The following SOX13 variants were observed in gnomAD, a reference collection of about 807,000 sequenced individuals.
SOX13 encodes transcription factor SOX-13.
Under a neutral mutation model 71.8 loss-of-function variants are expected in SOX13, and 28 were observed. The observed-to-expected ratio is 0.39, with a 90% CI of 0.29 to 0.53. The LOEUF is 0.53. SOX13 is among the 20% of genes least tolerant of loss of function. SOX13 has a pLI of 0.70. For synonymous variants in SOX13, 309 were observed against 317.8 expected (o/e 0.97, Z 0.29); for missense variants, 627 against 810.3 (o/e 0.77, Z 2.75).
intron 7 of SOX13, chr1:204,117,947 G>T: frequency 1.9e-6 from 1 of 533,054 alleles, no homozygotes; most frequent in Non-Finnish European, 3.4e-6. Context: ...AGCAATCCAG[G>T]TCTAGTCTCT....
chr1:204,091,101 A>G (rs982708887), intron 1 of SOX13, among the ~76,000 whole-genome samples: 4 of 152,220 alleles, frequency 2.6e-5, no homozygotes, highest in South Asian at 2.1e-4. Context: ...AAAAATTCCA[A>G]CAGAACACTG....
At position 204,114,391 on chromosome 1, in the gene SOX13, G is replaced by A. The variant is rs760349579; in HGVS notation, c.290G>A (p.Gly97Glu). 2.5e-6 allele frequency: 4 copies of A among 1,612,742 alleles called. No homozygotes were observed. The South Asian group carries it at 4.4e-5, about 18-fold the overall frequency. ...CCAGGAGTGTCGGAGGCTGCCTCTG[G>A]AAGCCAGGAGAAGCTGGACTTCAAC... ...KRPGVSEAAS[G>E]SQEKLDFNRN... The change falls in exon 3 of 14, where the codon GGA becomes GAA. Residue 97 changes from glycine (G) to glutamate (E), a missense_variant. Transcript: ENST00000367204.
intron 1 of SOX13, among the ~76,000 whole-genome samples, chr1:204,080,109 C>T (rs1281196112): frequency 6.6e-6 from 1 of 152,182 alleles, no homozygotes; most frequent in Non-Finnish European, 1.5e-5. Context: ...ACAGTATCTC[C>T]AGCTGCCACC....
intron 1 of SOX13, among the ~76,000 whole-genome samples, chr1:204,111,492 C>A (rs369549607): frequency 6.6e-6 from 1 of 152,138 alleles, no homozygotes; most frequent in African/African-American, 2.4e-5. Flanking sequence ...TGAGATGCTG[C>A]GATTGCTCAG....
chr1:204,121,854 G>A (rs774976301), intron 7 of SOX13, 46 bp from the exon 8 acceptor site: 2 of 1,332,670 alleles, frequency 1.5e-6, no homozygotes, highest in African/African-American at 1.4e-5. Context: ...GGTGTCTGCT[G>A]TTCTGTGCTC....
intron 1 of SOX13, among the ~76,000 whole-genome samples, chr1:204,089,106 C>T (rs1026430854): frequency 1.3e-5 from 2 of 149,484 alleles, no homozygotes; most frequent in African/African-American, 2.5e-5. Context: ...CAGATTGAGT[C>T]TCTGTTACTA....
In SOX13 at chr1:204,116,605, CAGA is replaced by C; in HGVS notation, c.522_524del (p.Lys174del). ...CCAGCTCCTGACAGCCCACTCGGAG[CAGA>C]AGAACATGGCTGCCATGCTGTTTGA... On this transcript the variant is annotated inframe_deletion, in exon 5 of 14. Transcript: ENST00000367204. 6.2e-7 allele frequency: 1 copy of C among 1,614,042 alleles called. No individual in the cohort carries two copies. The highest frequency in any genetic ancestry group is 8.5e-7 in the Non-Finnish European group (1 of 1,179,894).
intron 1 of SOX13, among the ~76,000 whole-genome samples, chr1:204,082,835 A>G (rs1655936695): frequency 6.6e-6 from 1 of 152,196 alleles, no homozygotes; most frequent in Non-Finnish European, 1.5e-5. Context: ...ATCTGAGTAG[A>G]CAAGGGATGG....
chr1:204,105,963 G>A (rs2102246354), intron 1 of SOX13, among the ~76,000 whole-genome samples: 2 of 152,234 alleles, frequency 1.3e-5, no homozygotes, highest in South Asian at 4.1e-4. Flanking sequence ...TTTGGCTTCT[G>A]GGCATTTTGG....
rs992310378 is a variant in SOX13, at chr1:204,123,003, G to T, written c.1134+40G>T. ...TCCCTTGAGCCTAGGGGCAGCAACA[G>T]ATGGTGGCCAGGAGTGGAAGACACA... On this transcript the variant is annotated intron_variant, in intron 10 of 13. Transcript: ENST00000367204. This position sits in a 1 kb window ranked among gnomAD's most constrained non-coding sequence, Gnocchi z 5.0. 2.6e-6 allele frequency: 4 copies of T among 1,519,038 alleles called. No individual in the cohort carries two copies. The highest frequency in any genetic ancestry group is 3.6e-6 in the Non-Finnish European group (4 of 1,100,830). The allele number at this position is 1,519,038 out of a possible 1,614,324, so 94.1% of individuals were successfully genotyped here.
chr1:204,089,751 T>A (rs1294261860), intron 1 of SOX13, among the ~76,000 whole-genome samples: 2 of 152,168 alleles, frequency 1.3e-5, no homozygotes, highest in Non-Finnish European at 2.9e-5. Context: ...TGTGGCACCC[T>A]CTCCCCTGAG....
At chr1:204,114,634 G>A (rs1355593033) in intron 4 of SOX13, 29 bp downstream of exon 4, 2 of 1,525,906 alleles carry the variant, frequency 1.3e-6, no homozygotes, top group Non-Finnish European at 9.1e-7. Context: ...TGGGGGAGAT[G>A]TTTGAACCCC....
intron 1 of SOX13, among the ~76,000 whole-genome samples, chr1:204,082,657 T>G (rs1206951878): frequency 6.6e-6 from 1 of 152,074 alleles, no homozygotes; most frequent in Non-Finnish European, 1.5e-5. Context: ...GACCCAATGG[T>G]GGGCTCCCTA....
At chr1:204,121,157 T>G (rs1264008453) in intron 7 of SOX13, among the ~76,000 whole-genome samples, 1 of 152,064 alleles carries the variant, frequency 6.6e-6, no homozygotes, top group Non-Finnish European at 1.5e-5. Flanking sequence ...TTTTTGTATT[T>G]TTAGTGGAGA....
chr1:204,086,997 A>C (rs900823387), intron 1 of SOX13, among the ~76,000 whole-genome samples: 2 of 151,174 alleles, frequency 1.3e-5, no homozygotes, highest in Non-Finnish European at 1.5e-5. Context: ...ATCTTGGCGC[A>C]CTGCAAGTTC....
chr1:204,112,179 G>T (rs886593707), intron 1 of SOX13, among the ~76,000 whole-genome samples: 4 of 152,144 alleles, frequency 2.6e-5, no homozygotes, highest in Middle Eastern at 3.2e-3. Flanking sequence ...GGTGGCTTAC[G>T]CCTGTAATTC....
At position 204,114,321 on chromosome 1, in the gene SOX13, G is replaced by T. The variant is rs1430251238; in HGVS notation, c.220G>T (p.Asp74Tyr). The change falls in exon 3 of 14, where the codon GAC becomes TAC. Residue 74 changes from aspartate (D) to tyrosine (Y), a missense_variant and splice_region_variant. This residue lies in a region of SOX13 where 447 missense variants were observed against 532.2 expected (regional missense o/e 0.84). Transcript: ENST00000367204. ...GGTGACAATTCAGTATGTCTTGCAG[G>T]ACTGTAGCTCTCCAGAGGGTAATGG... ...PAQGNFRGSW[D>Y]CSSPEGNGSP... The T allele has an allele frequency of 2.5e-6, 4 of 1,591,402 alleles. No homozygotes were observed. The highest frequency in any genetic ancestry group is 2.3e-5 in the East Asian group (1 of 44,402).
In SOX13 at chr1:204,125,887, C is replaced by G. The variant is rs765776442; in HGVS notation, c.1622C>G (p.Ser541Cys). ...CAGGCTGGCCAGGTGCAGATGAGCT[C>G]CTCAGATGTCCTGTACCCTCGGGCA... ...PPQAGQVQMS[S>C]SDVLYPRAAG... Residue 541 changes from serine (S) to cysteine (C), a missense_variant, in exon 14 of 14, where the codon TCC becomes TGC. Physicochemically the swap from Ser to Cys is moderately radical, Grantham distance 112. Around this residue, in one of 3 missense-constraint regions of SOX13, gnomAD observed 148 missense variants for 192.7 expected, o/e 0.77. Transcript: ENST00000367204. The G allele has an allele frequency of 1.2e-6, 2 of 1,612,662 alleles. No homozygotes were observed. Among genetic ancestry groups the G allele is most frequent in the South Asian group, 2.2e-5 (2 of 90,924 alleles).
intron 1 of SOX13, among the ~76,000 whole-genome samples, chr1:204,111,049 A>C (rs1018008276): frequency 4.6e-5 from 7 of 152,190 alleles, no homozygotes; most frequent in Non-Finnish European, 7.4e-5. Flanking sequence ...TTGCCTCTCA[A>C]ACAAGCCCCC....
Sources: gnomAD v4.1 joint callset for allele counts (sites outside exome capture counted in the v4.1 genomes callset) on GRCh38, gnomAD v4.1.1 for gene constraint, gnomAD v4.1.1 regional missense constraint, Gnocchi (gnomAD v3.1) non-coding constraint, MANE v1.5 for transcripts, NCBI Gene and HGNC (gene_info 2026-07-23, HGNC 2026-07-21) for gene names.